The following GPHN variants were observed in gnomAD, a reference collection of about 807,000 sequenced individuals.
GPHN encodes the protein gephyrin.
A neutral mutation model predicts 95.5 loss-of-function variants in GPHN; 17 were observed. That is an observed-to-expected ratio of 0.18 (90% CI 0.12 to 0.27). GPHN has a LOEUF of 0.27. Among genes scored for constraint, GPHN ranks in the 10% least tolerant of loss-of-function variants. The probability of loss-of-function intolerance (pLI) is 1.00; values close to 1 mark genes in which losing one functional copy is unlikely to be tolerated. For synonymous variants in GPHN, 320 were observed against 322.5 expected (o/e 0.99, Z 0.08); for missense variants, 660 against 978.1 (o/e 0.67, Z 4.34).
chr14:67,656,444 CGTT>C, the GPHN span: 1 of 1,613,402 alleles, frequency 6.2e-7, no homozygotes, highest in Non-Finnish European at 8.5e-7. Context: ...TAACTGGTCT[CGTT>C]GTTCCCCCAG....
intron 8 of GPHN, among the ~76,000 whole-genome samples, chr14:66,929,767 A>C (rs2066681729): frequency 6.7e-6 from 1 of 149,834 alleles, no homozygotes; most frequent in Non-Finnish European, 1.5e-5. Context: ...GCCGGACTGC[A>C]GTGGCGCTAT....
At chr14:67,277,766 C>T in the GPHN span, among the ~76,000 whole-genome samples, 1 of 152,036 alleles carries the variant, frequency 6.6e-6, no homozygotes, top group Admixed American at 6.6e-5. Context: ...CAAGTTAATA[C>T]TGGTAATTAA....
At chr14:66,800,016 A>G (rs1044335913) in intron 3 of GPHN, among the ~76,000 whole-genome samples, 1 of 151,934 alleles carries the variant, frequency 6.6e-6, no homozygotes, top group Non-Finnish European at 1.5e-5. Context: ...ATCTTATAAC[A>G]TATTATTTTA....
At chr14:67,169,735 A>G (rs2082489335) in intron 21 of GPHN, among the ~76,000 whole-genome samples, 1 of 152,256 alleles carries the variant, frequency 6.6e-6, no homozygotes, top group Admixed American at 6.5e-5. Context: ...AAATTCAAAT[A>G]TGGCAGAATG....
intron 11 of GPHN, among the ~76,000 whole-genome samples, chr14:67,069,588 A>G (rs1004392715): frequency 6.6e-6 from 1 of 152,254 alleles, no homozygotes; most frequent in Non-Finnish European, 1.5e-5. Flanking sequence ...GCTAAAGTGG[A>G]AAAACAAAGA....
the GPHN span, among the ~76,000 whole-genome samples, chr14:67,715,917 C>G: frequency 6.6e-6 from 1 of 152,076 alleles, no homozygotes; most frequent in Non-Finnish European, 1.5e-5. Context: ...GCCTAGAGGC[C>G]GGGGGCAGTG....
the GPHN span, among the ~76,000 whole-genome samples, chr14:67,595,118 C>A: frequency 6.7e-6 from 1 of 149,984 alleles, no homozygotes; most frequent in Admixed American, 6.8e-5. Flanking sequence ...GCCTGGGTGA[C>A]AGAGCGAGAC....
At chr14:67,326,115 G>A in the GPHN span, among the ~76,000 whole-genome samples, 3 of 148,900 alleles carry the variant, frequency 2.0e-5, no homozygotes, top group East Asian at 2.0e-4. Flanking sequence ...GTGAGCCACC[G>A]TGCCCGGCCA....
At chr14:67,259,084 C>G in the GPHN span, among the ~76,000 whole-genome samples, 2 of 151,700 alleles carry the variant, frequency 1.3e-5, no homozygotes, top group Non-Finnish European at 2.9e-5. Flanking sequence ...CTCAAGTGAT[C>G]CGCCTGCCTC....
the GPHN span, chr14:67,647,203 G>T: frequency 2.0e-6 from 1 of 504,310 alleles, no homozygotes; most frequent in South Asian, 3.4e-5. Flanking sequence ...GGGGTTTTTG[G>T]GAGGAGGTTT....
At chr14:67,349,389 A>G in the GPHN span, among the ~76,000 whole-genome samples, 5 of 152,372 alleles carry the variant, frequency 3.3e-5, no homozygotes, top group South Asian at 2.1e-4. Context: ...GGTGTGCTAC[A>G]TGGATATAAC....
chr14:66,604,714 T>C (rs915762488), intron 1 of GPHN, among the ~76,000 whole-genome samples: 1 of 152,112 alleles, frequency 6.6e-6, no homozygotes, highest in African/African-American at 2.4e-5. Flanking sequence ...TAATTTCTTA[T>C]TTTAGGTTCG....
chr14:67,118,303 G>A (rs2078805998), intron 16 of GPHN, among the ~76,000 whole-genome samples: 1 of 152,200 alleles, frequency 6.6e-6, no homozygotes, highest in African/African-American at 2.4e-5. Context: ...AAAGGACCTT[G>A]AGTCTCTAGG....
At chr14:67,729,420 C>T in the GPHN span, 1 of 1,573,844 alleles carries the variant, frequency 6.4e-7, no homozygotes, top group South Asian at 1.1e-5. Flanking sequence ...CACCTGTGTG[C>T]ATGGGAGGTG....
chr14:66,687,039 A>G (rs146201267), intron 2 of GPHN, among the ~76,000 whole-genome samples: 22 of 152,236 alleles, frequency 1.4e-4, no homozygotes, highest in African/African-American at 5.1e-4. Flanking sequence ...TTCTGTTTAT[A>G]TGCTGGATTA....
chr14:67,450,719 T>C, the GPHN span, among the ~76,000 whole-genome samples: 1 of 152,180 alleles, frequency 6.6e-6, no homozygotes, highest in African/African-American at 2.4e-5. Context: ...TTCAGTTTTA[T>C]AAGGGAAGCA....
intron 10 of GPHN, among the ~76,000 whole-genome samples, chr14:67,054,623 A>G (rs112192603): frequency 0.027 from 4,167 of 152,330 alleles, 77 homozygotes; most frequent in Non-Finnish European, 0.036. Flanking sequence ...TATGGAACCA[A>G]AAAAGAGCCT....
chr14:67,700,571 C>T, the GPHN span, among the ~76,000 whole-genome samples: 7 of 151,512 alleles, frequency 4.6e-5, no homozygotes, highest in Non-Finnish European at 8.8e-5. Flanking sequence ...AAAAATTAGC[C>T]GGGCGTGGTG....
the GPHN span, chr14:67,727,790 G>C: frequency 4.4e-5 from 7 of 160,846 alleles, no homozygotes; most frequent in Non-Finnish European, 8.2e-5. Context: ...TGAGGTCCAA[G>C]GAAATGGCCA....
Sources: gnomAD v4.1 joint callset for allele counts (sites outside exome capture counted in the v4.1 genomes callset) on GRCh38, gnomAD v4.1.1 for gene constraint, MANE v1.5 for transcripts, NCBI Gene and HGNC (gene_info 2026-07-23, HGNC 2026-07-21) for gene names.